SLC44A5: variants seen among roughly 807,000 people sequenced by gnomAD.
SLC44A5 encodes solute carrier family 44 member 5, also known as choline transporter-like protein 5.
In SLC44A5, 57 loss-of-function variants were observed where a neutral mutation model predicts 101.8. The observed-to-expected ratio is 0.56, with a 90% CI of 0.45 to 0.70. The LOEUF is 0.70. Among genes scored for constraint, SLC44A5 ranks in the 30% least tolerant of loss-of-function variants. The pLI, the probability that SLC44A5 is intolerant of heterozygous loss-of-function variation, is 0.00. For missense variants in SLC44A5, 737 were observed against 853.1 expected (o/e 0.86, Z 1.70); for synonymous variants, 281 against 290.9 (o/e 0.97, Z 0.35).
intron 2 of SLC44A5, among the ~76,000 whole-genome samples, chr1:75,405,816 C>CAAAA (rs1662813929): frequency 6.9e-6 from 1 of 145,650 alleles, no homozygotes; most frequent in African/African-American, 2.5e-5. Flanking sequence ...CAAGAGCAAA[C>CAAAA]AAATTCAAAA....
intron 2 of SLC44A5, among the ~76,000 whole-genome samples, chr1:75,413,537 ATATT>A (rs940636229): frequency 6.0e-4 from 91 of 152,312 alleles, no homozygotes; most frequent in African/African-American, 2.0e-3. Context: ...GGGATCTCAT[ATATT>A]TATTTATGAC....
intron 1 of SLC44A5, among the ~76,000 whole-genome samples, chr1:75,570,399 G>A (rs1487885917): frequency 6.6e-6 from 1 of 152,178 alleles, no homozygotes; most frequent in Non-Finnish European, 1.5e-5. Context: ...AATACACAAA[G>A]AGAAAGGCTA....
chr1:75,242,826 C>A, intron 8 of SLC44A5, 60 bp downstream of exon 8: 1 of 1,502,442 alleles, frequency 6.7e-7, no homozygotes. Flanking sequence ...TCTCACGTTA[C>A]ACTTGAGATT....
the SLC44A5 span, among the ~76,000 whole-genome samples, chr1:75,708,935 T>C: frequency 1.3e-5 from 2 of 152,182 alleles, no homozygotes; most frequent in South Asian, 2.1e-4. Flanking sequence ...AATAAGTCAG[T>C]TTAAACCCAC....
chr1:75,579,320 A>G (rs990976445), intron 1 of SLC44A5, among the ~76,000 whole-genome samples: 13 of 152,300 alleles, frequency 8.5e-5, no homozygotes, highest in Non-Finnish European at 1.6e-4. Context: ...GCAAACATCT[A>G]TAGTCCCAGC....
chr1:75,520,829 T>G (rs557485019), intron 2 of SLC44A5, among the ~76,000 whole-genome samples: 2 of 152,252 alleles, frequency 1.3e-5, no homozygotes, highest in East Asian at 3.9e-4. Context: ...GATTGTACTG[T>G]TTTTAACAAT....
At chr1:75,311,596 T>G in intron 4 of SLC44A5, 1 of 984,036 alleles carries the variant, frequency 1.0e-6, no homozygotes, top group Non-Finnish European at 1.2e-6. Context: ...AGACTCTAAT[T>G]TCATGATTAA....
At chr1:75,491,978 G>A (rs1322671991) in intron 2 of SLC44A5, among the ~76,000 whole-genome samples, 1 of 152,132 alleles carries the variant, frequency 6.6e-6, no homozygotes, top group Non-Finnish European at 1.5e-5. Context: ...GAGAAGCAGT[G>A]GAATTTATTT....
Position 75,213,910 on chromosome 1 carries a change from A to T in SLC44A5, c.1873+9T>A. ...TTTTTTTTTTATTATTTTCATCATGATTACTTACCTATACTTCCAGCAACT... is the reference window on the plus strand; with the variant it reads ...TTTTTTTTTTATTATTTTCATCATGTTTACTTACCTATACTTCCAGCAACT... On this transcript the variant is annotated intron_variant, in intron 21 of 23. Coordinates refer to ENST00000370859, the MANE Select transcript of SLC44A5 (RefSeq NM_001130058.2). 4.5e-6 allele frequency: 7 copies of T among 1,562,938 alleles called. No homozygotes were observed. The highest frequency in any genetic ancestry group is 6.1e-6 in the Non-Finnish European group (7 of 1,146,870).
intron 1 of SLC44A5, among the ~76,000 whole-genome samples, chr1:75,575,357 T>A (rs1399669423): frequency 6.6e-6 from 1 of 152,190 alleles, no homozygotes; most frequent in East Asian, 1.9e-4. Context: ...ATTTAGCATT[T>A]TATAATGTAC....
chr1:75,469,087 C>G (rs1666970426), intron 2 of SLC44A5, among the ~76,000 whole-genome samples: 1 of 152,080 alleles, frequency 6.6e-6, no homozygotes, highest in Non-Finnish European at 1.5e-5. Context: ...TTTAATAATG[C>G]CTTTTACTCA....
At chr1:75,356,886 G>T (rs182146253) in intron 3 of SLC44A5, among the ~76,000 whole-genome samples, 2 of 152,260 alleles carry the variant, frequency 1.3e-5, no homozygotes, top group Admixed American at 1.3e-4. Flanking sequence ...ATAACATGCT[G>T]TACAGATTTG....
upstream of SLC44A5, among the ~76,000 whole-genome samples, chr1:75,612,537 C>A (rs1361200070): frequency 6.6e-6 from 1 of 152,192 alleles, no homozygotes; most frequent in Admixed American, 6.5e-5. Context: ...ACCTCAAAAT[C>A]ATTTGCTCGC....
the SLC44A5 span, among the ~76,000 whole-genome samples, chr1:75,630,612 T>TTATTATTAC: frequency 6.6e-6 from 1 of 151,776 alleles, no homozygotes. Flanking sequence ...ATTATTATTA[T>TTATTATTAC]TACTATTACT....
the SLC44A5 span, among the ~76,000 whole-genome samples, chr1:75,651,423 G>T: frequency 2.0e-5 from 3 of 152,086 alleles, no homozygotes; most frequent in Non-Finnish European, 4.4e-5. Context: ...TGTAGTAGAA[G>T]ACTTTTTACT....
intron 2 of SLC44A5, among the ~76,000 whole-genome samples, chr1:75,479,131 C>G (rs1164047343): frequency 3.3e-5 from 5 of 152,180 alleles, no homozygotes; most frequent in Non-Finnish European, 7.4e-5. Context: ...GGAAACTGAA[C>G]AACCTGCTCC....
intron 2 of SLC44A5, among the ~76,000 whole-genome samples, chr1:75,458,893 T>C (rs1180446477): frequency 2.6e-5 from 4 of 152,252 alleles, no homozygotes; most frequent in South Asian, 2.1e-4. Context: ...AAAAATGAGT[T>C]TGTTTTTGAA....
the SLC44A5 span, among the ~76,000 whole-genome samples, chr1:75,622,622 G>T: frequency 6.6e-6 from 1 of 152,084 alleles, no homozygotes; most frequent in South Asian, 2.1e-4. Context: ...GCTTGAGTGA[G>T]ACAGAGTATG....
At chr1:75,710,752 G>C in the SLC44A5 span, among the ~76,000 whole-genome samples, 1 of 151,918 alleles carries the variant, frequency 6.6e-6, no homozygotes, top group African/African-American at 2.4e-5. Context: ...ATCTGCTCAG[G>C]CTATTTTAAG....
Sources: allele counts gnomAD v4.1 joint callset (sites outside exome capture counted in the v4.1 genomes callset), GRCh38; gene constraint gnomAD v4.1.1; transcripts MANE v1.5; gene names NCBI Gene and HGNC (gene_info 2026-07-23, HGNC 2026-07-21).